Variants in NBEA observed in about 807,000 individuals in gnomAD.
The protein encoded by NBEA is neurobeachin.
In NBEA, 44 loss-of-function variants were observed where a neutral mutation model predicts 343.4. The ratio of observed to expected loss-of-function variants is 0.13; its 90% CI spans 0.10 to 0.16. The LOEUF (loss-of-function observed/expected upper bound fraction) is 0.16, where lower values mean the gene tolerates loss of function less well. Ranked by LOEUF, NBEA falls within the 10% of genes least tolerant of loss-of-function variation. NBEA has a pLI of 1.00. For missense variants in NBEA, 2,555 were observed against 3,631.3 expected, an observed-to-expected ratio of 0.70 and a Z score of 7.62; for synonymous variants, 1,175 against 1,238.7, an observed-to-expected ratio of 0.95 and a Z score of 1.08.
At position 35,050,333 on chromosome 13, in the gene NBEA, T is replaced by A; in HGVS notation, c.910T>A (p.Ser304Thr). 1.9e-6 allele frequency: 3 copies of A among 1,609,214 alleles called. No homozygotes were observed. The highest frequency in any genetic ancestry group is 2.5e-6 in the Non-Finnish European group (3 of 1,178,086). Residue 304 changes from serine to threonine, a missense_variant, in exon 6 of 59, where the codon TCA becomes ACA. Physicochemically the swap from Ser to Thr is moderately conservative, Grantham distance 58 (BLOSUM62 1). Coordinates refer to ENST00000379939, the MANE Select transcript of NBEA (RefSeq NM_001385012.1). ...TGTTGGCAACTGTTTAATAGTCACA[T>A]CATTGAAGTCCAAAGGAAAAGGTTT... ...HFVGNCLIVT[S>T]LKSKGKGFQH...
At chr13:35,353,067 G>A (rs1206548699) in intron 38 of NBEA, among the ~76,000 whole-genome samples, 2 of 152,142 alleles carry the variant, frequency 1.3e-5, no homozygotes, top group Non-Finnish European at 2.9e-5. Context: ...GTGTTTGGCA[G>A]AGTTTATTAA....
intron 41 of NBEA, among the ~76,000 whole-genome samples, chr13:35,519,386 T>C (rs2077607567): frequency 6.6e-6 from 1 of 152,150 alleles, no homozygotes; most frequent in Admixed American, 6.5e-5. Flanking sequence ...TTATAAACTT[T>C]TAAAGGTGGG....
At chr13:35,122,715 A>G (rs1050882578) in intron 16 of NBEA, among the ~76,000 whole-genome samples, 1 of 152,214 alleles carries the variant, frequency 6.6e-6, no homozygotes, top group Non-Finnish European at 1.5e-5. Flanking sequence ...AACTTAAAGT[A>G]TATAAAACAA....
chr13:35,256,002 A>G (rs2032548574), intron 34 of NBEA, among the ~76,000 whole-genome samples: 1 of 152,098 alleles, frequency 6.6e-6, no homozygotes, highest in Admixed American at 6.5e-5. Context: ...TCCAGCTGTC[A>G]GTGGAAAGGA....
intron 24 of NBEA, among the ~76,000 whole-genome samples, chr13:35,166,170 C>T (rs895393343): frequency 6.6e-6 from 1 of 151,996 alleles, no homozygotes; most frequent in Non-Finnish European, 1.5e-5. Context: ...TTGCATGGAA[C>T]ATAAAATGCT....
rs78915147 is a variant in NBEA at position 35,621,191 on chromosome 13, C to G, written c.7450-6890C>G. 3.4e-3 allele frequency among the ~76,000 whole-genome samples: 514 copies of G among 152,236 alleles called. 3 individuals carry two copies. The highest frequency in any genetic ancestry group is 0.011 in the African/African-American group (439 of 41,532). On this transcript the variant is annotated intron_variant, in intron 48 of 58. Transcript: ENST00000379939. ...AGGAGAGATATTAGACTATATTCAC[C>G]TTGTTTATTTGCATTTCAGTGGGAT...
At chr13:35,323,621 G>A (rs971999992) in intron 36 of NBEA, among the ~76,000 whole-genome samples, 6 of 150,648 alleles carry the variant, frequency 4.0e-5, no homozygotes, top group Admixed American at 1.3e-4. Flanking sequence ...GCTAGATGAC[G>A]AGTTAGTGGG....
chr13:35,000,205 A>G (rs1593418521), intron 1 of NBEA, among the ~76,000 whole-genome samples: 1 of 152,140 alleles, frequency 6.6e-6, no homozygotes, highest in East Asian at 1.9e-4. Flanking sequence ...ATTAATGGAT[A>G]TACTCTAGCA....
At chr13:34,999,273 G>A (rs970229036) in intron 1 of NBEA, among the ~76,000 whole-genome samples, 1 of 152,116 alleles carries the variant, frequency 6.6e-6, no homozygotes, top group Non-Finnish European at 1.5e-5. Flanking sequence ...TGATACAGGT[G>A]TACAGTGTGT....
At chr13:35,559,336 C>G (rs889230668) in intron 44 of NBEA, among the ~76,000 whole-genome samples, 4 of 152,096 alleles carry the variant, frequency 2.6e-5, no homozygotes, top group African/African-American at 4.8e-5. Flanking sequence ...ATCACTTTAA[C>G]GAACACGGGT....
At chr13:35,467,702 A>G (rs2075448696) in intron 40 of NBEA, among the ~76,000 whole-genome samples, 2 of 152,162 alleles carry the variant, frequency 1.3e-5, no homozygotes, top group Non-Finnish European at 2.9e-5. Context: ...TTTAAGTTTA[A>G]TAATTCTACT....
chr13:35,173,836 A>C (rs2070664683), intron 27 of NBEA, among the ~76,000 whole-genome samples: 1 of 152,212 alleles, frequency 6.6e-6, no homozygotes, highest in Non-Finnish European at 1.5e-5. Flanking sequence ...TACAAATATT[A>C]TAATTAGCAC....
At chr13:35,367,440 C>T (rs1333471699) in intron 38 of NBEA, among the ~76,000 whole-genome samples, 3 of 150,920 alleles carry the variant, frequency 2.0e-5, no homozygotes, top group African/African-American at 7.3e-5. Flanking sequence ...ATATTTTCTT[C>T]TATTTTAACA....
At chr13:35,182,653 G>A in intron 29 of NBEA, 125 bp downstream of exon 29, 1 of 900,086 alleles carries the variant, frequency 1.1e-6, no homozygotes, top group Non-Finnish European at 1.6e-6. Context: ...GGTTGGTATA[G>A]AAATGCTAAT....
At chr13:35,166,433 A>G (rs1048470595) in intron 24 of NBEA, among the ~76,000 whole-genome samples, 11 of 152,146 alleles carry the variant, frequency 7.2e-5, no homozygotes, top group Admixed American at 1.3e-4. Context: ...TTACGATTCA[A>G]TTTTGACCAC....
intron 40 of NBEA, among the ~76,000 whole-genome samples, chr13:35,471,449 C>T (rs1211335738): frequency 6.6e-6 from 1 of 152,202 alleles, no homozygotes. Context: ...TTGCTACCTA[C>T]AAATGAATAG....
rs1555267137 is a variant in NBEA, at chr13:35,445,795, T to TATATATAC, written c.6305-6290_6305-6289insCATATATA. On this transcript the variant is annotated intron_variant, in intron 39 of 58. Transcript: ENST00000379939. ...AGATATAAATGTTTATATATATATATATATATATATATATATATATATGTA... is the reference window on the plus strand; with the variant it reads ...AGATATAAATGTTTATATATATATATATATATACATATATATATATATATATATATGTA... 1.3e-3 allele frequency among the ~76,000 whole-genome samples: 102 copies of TATATATAC among 80,318 alleles called. 1 individual carries two copies. Among genetic ancestry groups the TATATATAC allele is most frequent in the African/African-American group, 6.1e-3 (93 of 15,332 alleles). The allele number at this position is 80,318 out of a possible 152,430, so 52.7% of individuals were successfully genotyped here.
chr13:35,158,701 TGTG>T (rs1467248446), intron 21 of NBEA, among the ~76,000 whole-genome samples: 1 of 152,154 alleles, frequency 6.6e-6, no homozygotes. Flanking sequence ...TACATAAATG[TGTG>T]GAAGTTAACT....
chr13:35,626,843 A>T (rs968637029), intron 48 of NBEA, among the ~76,000 whole-genome samples: 1 of 152,176 alleles, frequency 6.6e-6, no homozygotes, highest in Non-Finnish European at 1.5e-5. Flanking sequence ...CAATATAGAA[A>T]TTCTGTTTGC....
Sources: allele counts gnomAD v4.1 joint callset (sites outside exome capture counted in the v4.1 genomes callset), GRCh38; gene constraint gnomAD v4.1.1; transcripts MANE v1.5; gene names NCBI Gene and HGNC (gene_info 2026-07-23, HGNC 2026-07-21).